Variants in SLC8A1 observed in about 807,000 individuals in gnomAD.
SLC8A1 encodes solute carrier family 8 member A1.
In SLC8A1, 18 loss-of-function variants were observed where a neutral mutation model predicts 68.3. The observed-to-expected ratio is 0.26, with a 90% confidence interval of 0.18 to 0.39. The LOEUF (loss-of-function observed/expected upper bound fraction) is 0.39, where lower values mean the gene tolerates loss of function less well. Ranked by LOEUF, SLC8A1 falls within the 10% of genes least tolerant of loss-of-function variation. The probability of loss-of-function intolerance (pLI) is 1.00; values close to 1 mark genes in which losing one functional copy is unlikely to be tolerated. For missense variants in SLC8A1, 985 were observed against 1,156.7 expected, an observed-to-expected ratio of 0.85 and a Z score of 2.15; for synonymous variants, 475 against 415.5, an observed-to-expected ratio of 1.14 and a Z score of -1.74.
intron 1 of SLC8A1, among the ~76,000 whole-genome samples, chr2:40,504,761 T>C (rs947396824): frequency 6.6e-6 from 1 of 151,748 alleles, no homozygotes; most frequent in Non-Finnish European, 1.5e-5. Flanking sequence ...CTAAATGTGA[T>C]ATCTCACCCC....
intron 2 of SLC8A1, among the ~76,000 whole-genome samples, chr2:40,379,340 G>A (rs769813750): frequency 2.6e-5 from 4 of 152,086 alleles, no homozygotes; most frequent in Non-Finnish European, 4.4e-5. Context: ...CAATTAAGAA[G>A]TTTTAGCTAA....
At position 40,145,700 on chromosome 2, in the gene SLC8A1, A is replaced by G. The variant is rs780803557; in HGVS notation, c.2162-6024T>C. 9.2e-5 allele frequency among the ~76,000 whole-genome samples: 14 copies of G among 152,320 alleles called. No homozygotes were observed. The South Asian group carries it at 1.4e-3, about 16-fold the overall frequency. On this transcript the variant is annotated intron_variant, in intron 6 of 7. Coordinates refer to ENST00000406785, the Ensembl canonical transcript of SLC8A1. Reference sequence around the variant, plus strand: ...AAAAATAAAACAGAATGGTGATTCAATTGATACATTTTTGTTCCCTAGTTT... The same window carrying G: ...AAAAATAAAACAGAATGGTGATTCAGTTGATACATTTTTGTTCCCTAGTTT...
chr2:40,229,846 G>C (rs1001431488), intron 2 of SLC8A1, among the ~76,000 whole-genome samples: 2 of 152,162 alleles, frequency 1.3e-5, no homozygotes, highest in Non-Finnish European at 2.9e-5. Context: ...TTAGGCAAAA[G>C]TATGCAGGTT....
At chr2:40,423,923 T>C (rs991777400) in intron 2 of SLC8A1, among the ~76,000 whole-genome samples, 13 of 152,120 alleles carry the variant, frequency 8.5e-5, no homozygotes, top group Admixed American at 8.5e-4. Context: ...AAGACATAAA[T>C]ATTCTGTTCT....
At chr2:40,219,465 T>C (rs765575585) in intron 2 of SLC8A1, among the ~76,000 whole-genome samples, 1 of 152,214 alleles carries the variant, frequency 6.6e-6, no homozygotes, top group African/African-American at 2.4e-5. Context: ...TAAGAGCTCA[T>C]TGAAGACATT....
chr2:40,338,264 G>T (rs149057321), intron 2 of SLC8A1, among the ~76,000 whole-genome samples: 8 of 152,242 alleles, frequency 5.3e-5, no homozygotes, highest in Non-Finnish European at 1.0e-4. Context: ...TGTAAGACAA[G>T]TCTTGACATA....
At chr2:40,228,915 A>C (rs2148884797) in intron 2 of SLC8A1, among the ~76,000 whole-genome samples, 2 of 152,260 alleles carry the variant, frequency 1.3e-5, no homozygotes, top group South Asian at 4.1e-4. Context: ...TCCTTTTGCA[A>C]ATTACATATT....
At chr2:40,324,325 G>C (rs1410489016) in intron 2 of SLC8A1, among the ~76,000 whole-genome samples, 1 of 152,092 alleles carries the variant, frequency 6.6e-6, no homozygotes, top group African/African-American at 2.4e-5. Flanking sequence ...CAAGGAGTGG[G>C]AATTATACCT....
intron 2 of SLC8A1, among the ~76,000 whole-genome samples, chr2:40,218,698 T>A (rs1178475414): frequency 6.6e-6 from 1 of 150,714 alleles, no homozygotes; most frequent in African/African-American, 2.4e-5. Context: ...CCATAATGCT[T>A]TATGAAAGAT....
At chr2:40,336,403 A>G (rs758560220) in intron 2 of SLC8A1, among the ~76,000 whole-genome samples, 1 of 152,242 alleles carries the variant, frequency 6.6e-6, no homozygotes, top group Non-Finnish European at 1.5e-5. Context: ...GCAATTCATC[A>G]TAATGTCCAC....
chr2:40,164,974 A>G (rs879239752), exon 5 of SLC8A1: 6 of 1,613,770 alleles, frequency 3.7e-6, no homozygotes, highest in Non-Finnish European at 5.1e-6. Flanking sequence ...GCTGCTTGTC[A>G]TCATATTCGT....
chr2:40,491,454 T>C (rs1705311567), intron 1 of SLC8A1, among the ~76,000 whole-genome samples: 1 of 152,148 alleles, frequency 6.6e-6, no homozygotes, highest in South Asian at 2.1e-4. Flanking sequence ...ACTTCCTCTT[T>C]TCCTAATTGA....
intron 7 of SLC8A1, among the ~76,000 whole-genome samples, chr2:40,121,233 C>A (rs1464171659): frequency 1.3e-5 from 2 of 152,160 alleles, no homozygotes; most frequent in African/African-American, 4.8e-5. Context: ...CACCTTTTAA[C>A]AAGCGGCCTA....
intron 6 of SLC8A1, among the ~76,000 whole-genome samples, chr2:40,142,945 AGT>A (rs113217495): frequency 0.016 from 2,324 of 148,858 alleles, 26 homozygotes; most frequent in Non-Finnish European, 0.023. Flanking sequence ...TGTGTGTGTG[AGT>A]GTGTGTGTGT....
In SLC8A1 at chr2:40,492,321, G is replaced by T. The variant is rs373933538; in HGVS notation, c.-25+20028C>A. ...GAAAGCTGAAACTGGATCCCTTCCT[G>T]ACACCTTATACAAAAATTAACTCAA... On this transcript the variant is annotated intron_variant, in intron 1 of 7. Coordinates refer to the SLC8A1 transcript ENST00000402441. 9.5e-3 allele frequency among the ~76,000 whole-genome samples: 1,441 copies of T among 152,002 alleles called. 17 individuals carry two copies. Among genetic ancestry groups the T allele is most frequent in the South Asian group, 0.059 (284 of 4,816 alleles).
chr2:40,459,368 AT>A (rs5830630), intron 1 of SLC8A1, among the ~76,000 whole-genome samples: 5 of 150,970 alleles, frequency 3.3e-5, no homozygotes, highest in African/African-American at 4.9e-5. Flanking sequence ...AGGACAGTAT[AT>A]TTTTTTTTGT....
chr2:40,164,842 T>C lies in SLC8A1; in HGVS notation c.2061+12A>G. 6.2e-7 allele frequency: 1 copy of C among 1,613,502 alleles called. No homozygotes were observed. Among genetic ancestry groups the C allele is most frequent in the Non-Finnish European group, 8.5e-7 (1 of 1,179,712 alleles). On this transcript the variant is annotated intron_variant, in intron 5 of 7. Transcript: ENST00000406785. Reference sequence around the variant, plus strand: ...GAGACTGGCTCCTGGTGGGCAGTGTTGGTGAGCATACCTTGAATTCATAGG... The same window carrying C: ...GAGACTGGCTCCTGGTGGGCAGTGTCGGTGAGCATACCTTGAATTCATAGG...
chr2:40,429,516 T>C (rs773830827), exon 2 of SLC8A1: 4 of 1,613,682 alleles, frequency 2.5e-6, no homozygotes, highest in South Asian at 1.1e-5. Flanking sequence ...AAAACAGAAG[T>C]CTCCTATCCG....
chr2:40,411,339 G>A (rs766090111), intron 2 of SLC8A1, among the ~76,000 whole-genome samples: 1 of 152,002 alleles, frequency 6.6e-6, no homozygotes, highest in Non-Finnish European at 1.5e-5. Flanking sequence ...ATAAGCACTG[G>A]TAAGGTTTTC....
Sources: gnomAD v4.1 joint callset for allele counts (sites outside exome capture counted in the v4.1 genomes callset) on GRCh38, gnomAD v4.1.1 for gene constraint, MANE v1.5 for transcripts, NCBI Gene and HGNC (gene_info 2026-07-23, HGNC 2026-07-21) for gene names.